Variants in AHDC1 observed in about 807,000 individuals in gnomAD.
The protein encoded by AHDC1 is AT-hook DNA binding motif containing 1, also known as transcription factor Gibbin.
Under a neutral mutation model 87.9 loss-of-function variants are expected in AHDC1, and 7 were observed. That is an observed-to-expected ratio of 0.08 (90% confidence interval 0.05 to 0.15). AHDC1 has a LOEUF of 0.15. Ranked by LOEUF, AHDC1 falls within the 10% of genes least tolerant of loss-of-function variation. The probability of loss-of-function intolerance (pLI) is 1.00; values close to 1 mark genes in which losing one functional copy is unlikely to be tolerated. For missense variants in AHDC1, 1,841 were observed against 2,253.2 expected (o/e 0.82, Z 3.70); for synonymous variants, 1,051 against 1,006.8 (o/e 1.04, Z -0.83).
rs531107147 is a variant in AHDC1, at chr1:27,599,100, T to TG, written c.-629+4296dup. Among the ~76,000 whole-genome samples the TG allele has an allele frequency of 8.9e-4, 135 of 152,310 alleles. 1 individual carries two copies. Among genetic ancestry groups the TG allele is most frequent in the Non-Finnish European group, 1.8e-3 (122 of 68,016 alleles). ...AAATGAGGAAAGAAGAAAGAGATGCTGCAGGGGCAGAATCAGGCTCCTTCC... is the reference window on the plus strand; with the variant it reads ...AAATGAGGAAAGAAGAAAGAGATGCTGGCAGGGGCAGAATCAGGCTCCTTCC... On this transcript the variant is annotated intron_variant, in intron 3 of 8. Transcript: ENST00000673934.
chr1:27,577,219 A>C (rs1004536928), intron 3 of AHDC1, among the ~76,000 whole-genome samples: 1 of 152,228 alleles, frequency 6.6e-6, no homozygotes, highest in Non-Finnish European at 1.5e-5. Context: ...ATAGGATCAT[A>C]AATGAGGAAA....
intron 8 of AHDC1, among the ~76,000 whole-genome samples, chr1:27,541,096 C>A (rs1428882482): frequency 6.8e-6 from 1 of 146,204 alleles, no homozygotes; most frequent in African/African-American, 2.5e-5. Context: ...GGGTGGGGTG[C>A]GTGCTTGGAG....
chr1:27,542,348 C>G (rs1224234082), intron 8 of AHDC1, among the ~76,000 whole-genome samples: 2 of 152,200 alleles, frequency 1.3e-5, no homozygotes, highest in African/African-American at 2.4e-5. Context: ...AAGCCTCCCC[C>G]AAGGCCCCAA....
intron 3 of AHDC1, among the ~76,000 whole-genome samples, chr1:27,571,693 A>T (rs2088521168): frequency 6.6e-6 from 1 of 150,842 alleles, no homozygotes; most frequent in Non-Finnish European, 1.5e-5. Context: ...CCCCTACTTC[A>T]CCCAAGCCCT....
intron 7 of AHDC1, 126 bp from the exon 8 acceptor site, chr1:27,552,315 C>A (rs1362872795): frequency 1.1e-6 from 1 of 892,528 alleles, no homozygotes; most frequent in Non-Finnish European, 1.5e-6. Context: ...GCTCCCCTCC[C>A]CACCCCAAGC....
In AHDC1 at chr1:27,593,268, G is replaced by GCA. The variant is rs922984047; in HGVS notation, c.-629+10127_-629+10128dup. ...GGCAGGCAGCGATAGGATTACTTCT[G>GCA]CATGACTGCCCGCTCCACAGGGTTC... is the stretch of plus-strand genomic sequence containing the variant. On this transcript the variant is annotated intron_variant, in intron 3 of 8. Transcript: ENST00000673934. The surrounding 1 kb of genome is among the most constrained non-coding windows in gnomAD (Gnocchi z 4.9). 1.3e-4 allele frequency among the ~76,000 whole-genome samples: 20 copies of GCA among 152,002 alleles called. No homozygotes were observed. Among genetic ancestry groups the GCA allele is most frequent in the Non-Finnish European group, 2.9e-4 (20 of 67,958 alleles).
chr1:27,603,604 G>A, intron 2 of AHDC1, 110 bp from the exon 3 acceptor site: 1 of 151,606 alleles, frequency 6.6e-6, no homozygotes, highest in Non-Finnish European at 1.5e-5. Context: ...ACGGCCCCCC[G>A]CTCCCGCGGC....
At chr1:27,536,669 TA>T (rs1410571921) in intron 8 of AHDC1, among the ~76,000 whole-genome samples, 2 of 152,114 alleles carry the variant, frequency 1.3e-5, no homozygotes, top group Non-Finnish European at 2.9e-5. Context: ...AGGACTGCTC[TA>T]TTGCGGTTGA....
At chr1:27,583,533 T>C (rs1195520028) in intron 3 of AHDC1, among the ~76,000 whole-genome samples, 1 of 152,190 alleles carries the variant, frequency 6.6e-6, no homozygotes, top group Non-Finnish European at 1.5e-5. Context: ...TTCCTGAAGT[T>C]GAAGGCCTTG....
At chr1:27,546,930 G>C (rs1357620003) in intron 8 of AHDC1, among the ~76,000 whole-genome samples, 1 of 152,088 alleles carries the variant, frequency 6.6e-6, no homozygotes, top group Non-Finnish European at 1.5e-5. Context: ...CTCACTTCCT[G>C]CCCAAGACAT....
intron 5 of AHDC1, among the ~76,000 whole-genome samples, chr1:27,556,489 C>T (rs767519258): frequency 7.9e-5 from 12 of 152,078 alleles, no homozygotes; most frequent in Non-Finnish European, 1.6e-4. Context: ...AGGGACTAGT[C>T]ATCACCTCTG....
intron 5 of AHDC1, 46 bp from the exon 6 acceptor site, chr1:27,553,231 C>T (rs1296210819): frequency 5.2e-5 from 8 of 152,578 alleles, no homozygotes; most frequent in East Asian, 1.9e-4. Flanking sequence ...ACCTACTGCG[C>T]GCCAGGTACT....
At chr1:27,600,029 G>A (rs2148502065) in intron 3 of AHDC1, among the ~76,000 whole-genome samples, 1 of 152,070 alleles carries the variant, frequency 6.6e-6, no homozygotes, top group Non-Finnish European at 1.5e-5. Context: ...GAGGGGAGTG[G>A]TATATTCCTA....
In AHDC1 at chr1:27,560,750, G is replaced by A. The variant is rs778206839; in HGVS notation, c.-628-1867C>T. On this transcript the variant is annotated intron_variant, in intron 3 of 8. Coordinates refer to ENST00000673934, the MANE Select transcript of AHDC1 (RefSeq NM_001371928.1). The surrounding 1 kb of genome is among the most constrained non-coding windows in gnomAD (Gnocchi z 4.1). ...ACTGTATGATTGTGCCAGTATGGCC[G>A]TGTGTCAGCGTCAACATGTGTGAGC... 2.3e-4 allele frequency among the ~76,000 whole-genome samples: 35 copies of A among 152,296 alleles called. No homozygotes were observed. Among genetic ancestry groups the A allele is most frequent in the African/African-American group, 7.0e-4 (29 of 41,544 alleles).
Position 27,548,486 on chromosome 1 carries a change from C to A in AHDC1, c.3630G>T (p.Glu1210Asp), listed in dbSNP as rs371337420. Residue 1210 changes from glutamate (E) to aspartate (D), a missense_variant, in exon 8 of 9, where the codon GAG becomes GAT. Physicochemically the swap from Glu to Asp is conservative, Grantham distance 45 (BLOSUM62 2). Transcript: ENST00000673934. ...SLEKLMMDWN[E>D]ASSAPGYNWN... Reference sequence around the variant, plus strand: ...AGTTGTAGCCGGGGGCAGATGATGCCTCGTTCCAGTCCATCATCAGTTTCT... The same window carrying A: ...AGTTGTAGCCGGGGGCAGATGATGCATCGTTCCAGTCCATCATCAGTTTCT... The A allele has an allele frequency of 1.2e-4, 198 of 1,613,792 alleles. No individual in the cohort carries two copies. Among genetic ancestry groups the A allele is most frequent in the Non-Finnish European group, 1.6e-4 (191 of 1,180,044 alleles).
intron 3 of AHDC1, among the ~76,000 whole-genome samples, chr1:27,597,857 CTCAG>C (rs1330597753): frequency 6.6e-6 from 1 of 152,086 alleles, no homozygotes; most frequent in Non-Finnish European, 1.5e-5. Flanking sequence ...CCTTCTCCAT[CTCAG>C]TCACTCTGTC....
rs940220811 is a variant in AHDC1, at chr1:27,565,369, G to A, written c.-628-6486C>T. 5.3e-5 allele frequency among the ~76,000 whole-genome samples: 8 copies of A among 152,150 alleles called. No individual in the cohort carries two copies. The highest frequency in any genetic ancestry group is 9.7e-5 in the African/African-American group (4 of 41,430). ...CCTACCCCAGGGCCTGTTTGCCCACGACTCCAAGCTCATTCCATGAAGAGG... is the reference window on the plus strand; with the variant it reads ...CCTACCCCAGGGCCTGTTTGCCCACAACTCCAAGCTCATTCCATGAAGAGG... On this transcript the variant is annotated intron_variant, in intron 3 of 8. Transcript: ENST00000673934. The surrounding 1 kb of genome is among the most constrained non-coding windows in gnomAD (Gnocchi z 4.6).
At chr1:27,580,310 A>C (rs934053337) in intron 3 of AHDC1, among the ~76,000 whole-genome samples, 1 of 152,150 alleles carries the variant, frequency 6.6e-6, no homozygotes, top group African/African-American at 2.4e-5. Flanking sequence ...GACAGATACC[A>C]AGCCCTCTGG....
chr1:27,576,099 C>T (rs1286794192), intron 3 of AHDC1, among the ~76,000 whole-genome samples: 1 of 152,066 alleles, frequency 6.6e-6, no homozygotes, highest in Non-Finnish European at 1.5e-5. Context: ...GCCCCTCCTG[C>T]AGAGAGCACT....
Sources: gnomAD v4.1 joint callset for allele counts (sites outside exome capture counted in the v4.1 genomes callset) on GRCh38, gnomAD v4.1.1 for gene constraint, Gnocchi (gnomAD v3.1) non-coding constraint, MANE v1.5 for transcripts, NCBI Gene and HGNC (gene_info 2026-07-23, HGNC 2026-07-21) for gene names.